The following RFWD3 variants were observed in gnomAD, a reference collection of about 807,000 sequenced individuals.
RFWD3 encodes E3 ubiquitin-protein ligase RFWD3.
In RFWD3, 65 loss-of-function variants were observed where a neutral mutation model predicts 87.7. The ratio of observed to expected loss-of-function variants is 0.74; its 90% CI spans 0.61 to 0.91. The LOEUF (loss-of-function observed/expected upper bound fraction) is 0.91. Among genes scored for constraint, RFWD3 ranks in the 40% least tolerant of loss-of-function variants. The pLI, the probability that RFWD3 is intolerant of heterozygous loss-of-function variation, is 0.00. For synonymous variants in RFWD3, 433 were observed against 352.8 expected (o/e 1.23, Z -2.55); for missense variants, 1,078 against 938.5 (o/e 1.15, Z -1.94).
chr16:74,661,055 C>G lies in RFWD3; in HGVS notation c.395G>C (p.Gly132Ala). Residue 132 changes from glycine (G) to alanine (A), a missense_variant, in exon 2 of 13, where the codon GGC becomes GCC. Gly to Ala is a moderately conservative substitution (Grantham distance 60). Transcript: ENST00000361070. ...NFISGLQRLH[G>A]MLEFLRPSSS... is the part of the protein sequence containing the mutation. Reference sequence around the variant, plus strand: ...TGAAGGTCTCAGGAATTCCAGCATGCCATGAAGTCTCTGCAGTCCGCTGAT... The same window carrying G: ...TGAAGGTCTCAGGAATTCCAGCATGGCATGAAGTCTCTGCAGTCCGCTGAT... The G allele has an allele frequency of 6.2e-7, 1 of 1,614,202 alleles. No homozygotes were observed. Among genetic ancestry groups the G allele is most frequent in the Admixed American group, 1.7e-5 (1 of 60,024 alleles).
rs760335502 is a variant in RFWD3 at position 74,662,138 on chromosome 16, TA to T, written c.-2-688del. On this transcript the variant is annotated intron_variant, in intron 1 of 12. Transcript: ENST00000361070. ...GAAAACTACCACCTAGTTTTTAAAC[TA>T]AAAAAAAAAATTTTTTTTTGTTATA... Among the ~76,000 whole-genome samples the T allele has an allele frequency of 4.7e-5, 7 of 147,872 alleles. No individual in the cohort carries two copies. In the East Asian group the frequency reaches 5.9e-4, roughly 13 times the overall value.
chr16:74,652,756 A>G (rs765013727), intron 2 of RFWD3, among the ~76,000 whole-genome samples: 1 of 152,198 alleles, frequency 6.6e-6, no homozygotes, highest in Non-Finnish European at 1.5e-5. Flanking sequence ...AATAACCACT[A>G]CTGTACCTCA....
intron 3 of RFWD3, among the ~76,000 whole-genome samples, chr16:74,651,167 G>A (rs955025258): frequency 5.9e-5 from 9 of 152,092 alleles, no homozygotes; most frequent in African/African-American, 1.7e-4. Context: ...CGCCCTCTGG[G>A]GATCAGAAAG....
chr16:74,664,755 G>GAAAA (rs10651761), intron 1 of RFWD3: 109,449 of 150,548 alleles, frequency 0.73, 40,372 homozygotes, highest in African/African-American at 0.84. Flanking sequence ...TCTAAAAAAA[G>GAAAA]AAAAAAGAAA....
chr16:74,651,175 A>C (rs1219404168), intron 3 of RFWD3, among the ~76,000 whole-genome samples: 1 of 152,220 alleles, frequency 6.6e-6, no homozygotes, highest in Non-Finnish European at 1.5e-5. Context: ...GGGGATCAGA[A>C]AGTTTTTAAC....
At chr16:74,632,486 A>C in intron 9 of RFWD3, 37 bp downstream of exon 9, 1 of 1,609,502 alleles carries the variant, frequency 6.2e-7, no homozygotes. Flanking sequence ...TCAACACCAA[A>C]GAGCCCAGTC....
chr16:74,651,942 T>G lies in RFWD3; in HGVS notation c.699A>C (p.Glu233Asp). The G allele has an allele frequency of 1.9e-6, 3 of 1,613,906 alleles. No individual in the cohort carries two copies. The South Asian group carries it at 3.3e-5, about 18-fold the overall frequency. The change falls in exon 3 of 13, where the codon GAA becomes GAC. Residue 233 changes from glutamate to aspartate, a missense_variant. By Grantham distance (45) the Glu-to-Asp change is conservative. Transcript: ENST00000361070. The stretch of plus-strand genomic sequence containing the variant: ...GACCTTCTAAAATGACAGCTCCAGA[T>G]TCCTCTGCCTGGTCAACAACCCCTC... ...EYGGVVDQAE[E>D]SGAVILEEQL...
chr16:74,629,665 CAAA>C (rs75932415), intron 10 of RFWD3, among the ~76,000 whole-genome samples: 1 of 143,696 alleles, frequency 7.0e-6, no homozygotes. Context: ...CTACCACCAA[CAAA>C]AAAAAAAAAC....
In RFWD3 at chr16:74,657,544, C is replaced by G. The variant is rs572771781; in HGVS notation, c.518+3388G>C. The stretch of plus-strand genomic sequence containing the variant: ...AGGCTGGAGTGTAGTGGCGCAATCT[C>G]GGCTCACTGCAACATCCACCTCCCG... On this transcript the variant is annotated intron_variant, in intron 2 of 12. Coordinates refer to ENST00000361070, the MANE Select transcript of RFWD3 (RefSeq NM_018124.4). 2.0e-5 allele frequency among the ~76,000 whole-genome samples: 3 copies of G among 149,602 alleles called. No homozygotes were observed. In the East Asian group the frequency reaches 5.9e-4, roughly 29 times the overall value.
chr16:74,665,680 G>A (rs1344751368), intron 1 of RFWD3, among the ~76,000 whole-genome samples: 1 of 152,234 alleles, frequency 6.6e-6, no homozygotes, highest in African/African-American at 2.4e-5. Context: ...GGATCCCTGG[G>A]GCCCGGGAGT....
chr16:74,663,032 G>A (rs1359079564), intron 1 of RFWD3, among the ~76,000 whole-genome samples: 1 of 151,910 alleles, frequency 6.6e-6, no homozygotes, highest in Non-Finnish European at 1.5e-5. Context: ...AGCCTCCCGA[G>A]TAGCTGGGAT....
Position 74,651,940 on chromosome 16 carries a change from G to T in RFWD3, c.701C>A (p.Ser234Tyr). The T allele has an allele frequency of 6.2e-7, 1 of 1,613,914 alleles. No homozygotes were observed. Among genetic ancestry groups the T allele is most frequent in the South Asian group, 1.1e-5 (1 of 91,074 alleles). Reference sequence around the variant, plus strand: ...CTGACCTTCTAAAATGACAGCTCCAGATTCCTCTGCCTGGTCAACAACCCC... The same window carrying T: ...CTGACCTTCTAAAATGACAGCTCCATATTCCTCTGCCTGGTCAACAACCCC... ...YGGVVDQAEESGAVILEEQLA... is the reference protein window; with the variant it reads ...YGGVVDQAEEYGAVILEEQLA... The change falls in exon 3 of 13, where the codon TCT becomes TAT. Residue 234 changes from serine to tyrosine, a missense_variant. Ser to Tyr is a moderately radical substitution (Grantham distance 144). Coordinates refer to ENST00000361070, the MANE Select transcript of RFWD3 (RefSeq NM_018124.4).
At chr16:74,652,658 T>C (rs979529700) in intron 2 of RFWD3, among the ~76,000 whole-genome samples, 3 of 152,174 alleles carry the variant, frequency 2.0e-5, no homozygotes, top group Admixed American at 6.5e-5. Context: ...TAAATGATAA[T>C]ATGGCATCAA....
intron 6 of RFWD3, among the ~76,000 whole-genome samples, chr16:74,642,681 C>T (rs962364587): frequency 7.2e-5 from 11 of 151,936 alleles, no homozygotes; most frequent in Admixed American, 7.2e-4. Flanking sequence ...TTATTAGAAA[C>T]AAGGTCTCAC....
At chr16:74,629,511 TAGTC>T (rs1959027255) in intron 10 of RFWD3, among the ~76,000 whole-genome samples, 2 of 151,974 alleles carry the variant, frequency 1.3e-5, no homozygotes, top group Admixed American at 6.6e-5. Flanking sequence ...ATACAAAAGT[TAGTC>T]AGGTGTGGTG....
chr16:74,660,263 C>G (rs1206859392), intron 2 of RFWD3, among the ~76,000 whole-genome samples: 1 of 152,164 alleles, frequency 6.6e-6, no homozygotes, highest in Non-Finnish European at 1.5e-5. Context: ...GAGTGAGACT[C>G]CATCTCAAAA....
chr16:74,640,426 G>A lies in RFWD3; in HGVS notation c.1080-2456C>T, dbSNP rs1306003597. 1.1e-4 allele frequency among the ~76,000 whole-genome samples: 16 copies of A among 152,122 alleles called. No homozygotes were observed. In the East Asian group the frequency reaches 1.2e-3, roughly 11 times the overall value. ...CCCAAAGTGCTGGGATTACAGGCGT[G>A]AGCCAATGCGCCCGCCCGGAAACTT... On this transcript the variant is annotated intron_variant, in intron 6 of 12. Coordinates refer to ENST00000361070, the MANE Select transcript of RFWD3 (RefSeq NM_018124.4).
chr16:74,655,508 A>G (rs1201241465), intron 2 of RFWD3, among the ~76,000 whole-genome samples: 2 of 149,484 alleles, frequency 1.3e-5, no homozygotes, highest in East Asian at 4.0e-4. Context: ...CGGCCTCCCA[A>G]AGTCCTGGGA....
intron 6 of RFWD3, among the ~76,000 whole-genome samples, chr16:74,639,115 G>A (rs1303473941): frequency 2.0e-5 from 3 of 148,478 alleles, no homozygotes; most frequent in African/African-American, 5.0e-5. Flanking sequence ...CCAGGCTCAC[G>A]GCTACCTCCG....
Sources: gnomAD v4.1 joint callset for allele counts (sites outside exome capture counted in the v4.1 genomes callset) on GRCh38, gnomAD v4.1.1 for gene constraint, MANE v1.5 for transcripts, NCBI Gene and HGNC (gene_info 2026-07-23, HGNC 2026-07-21) for gene names.